Variants in ABCA1 observed in about 807,000 individuals in gnomAD.
The protein encoded by ABCA1 is ATP binding cassette subfamily A member 1, also known as phospholipid-transporting ATPase ABCA1.
ABCA1 carries 133 observed loss-of-function variants against 262.5 expected under a neutral mutation model. That is an observed-to-expected ratio of 0.51 (90% confidence interval 0.44 to 0.59). The LOEUF (loss-of-function observed/expected upper bound fraction) is 0.59, where lower values mean the gene tolerates loss of function less well. Among genes scored for constraint, ABCA1 ranks in the 20% least tolerant of loss-of-function variants. The pLI is 0.00. For synonymous variants in ABCA1, 1,022 were observed against 1,043.5 expected, an observed-to-expected ratio of 0.98 and a Z score of 0.40; for missense variants, 2,452 against 2,777.5, an observed-to-expected ratio of 0.88 and a Z score of 2.63.
At chr9:104,867,440 C>T (rs1837199038) in intron 5 of ABCA1, among the ~76,000 whole-genome samples, 1 of 152,170 alleles carries the variant, frequency 6.6e-6, no homozygotes, top group Non-Finnish European at 1.5e-5. Flanking sequence ...GCTAATTTAA[C>T]CTTAAAGCAT....
At chr9:104,913,060 T>C (rs1437273092) in intron 1 of ABCA1, among the ~76,000 whole-genome samples, 1 of 152,226 alleles carries the variant, frequency 6.6e-6, no homozygotes, top group Admixed American at 6.5e-5. Flanking sequence ...AAAGATCACT[T>C]TGTTTGGATT....
intron 5 of ABCA1, among the ~76,000 whole-genome samples, chr9:104,871,583 A>G (rs1837612321): frequency 6.6e-6 from 1 of 152,140 alleles, no homozygotes; most frequent in Admixed American, 6.5e-5. Flanking sequence ...CATTGACCCA[A>G]ATGAATTTTG....
At position 104,786,537 on chromosome 9, in the gene ABCA1, A is replaced by G. The variant is rs4149337; in HGVS notation, c.6309-147T>C. 0.075 allele frequency: 57,219 copies of G among 763,794 alleles called. 4,685 individuals carry two copies. The highest frequency in any genetic ancestry group is 0.37 in the East Asian group (14,000 of 38,224). 47.3% of individuals were successfully genotyped at this position (763,794 alleles called of 1,614,324 possible). On this transcript the variant is annotated intron_variant, in intron 47 of 49. Transcript: ENST00000374736. The stretch of plus-strand genomic sequence containing the variant: ...ATATAGGGATGATGCTGTTCAGTGT[A>G]GTGGTGTTTACAATTGTGAACAAGT...
rs144161320 is a variant in ABCA1, at chr9:104,802,122, C to G, written c.4630G>C (p.Ala1544Pro). ...GFSLGVSNTQ[A>P]LPPSQEVNDA... ...TTAACTTCTTGACTCGGAGGAAGTG[C>G]TTGAGTATTACTGACACCCAGGGAA... is the stretch of plus-strand genomic sequence containing the variant. The change falls in exon 34 of 50, where the codon GCA becomes CCA. Residue 1544 changes from alanine (A) to proline (P), a missense_variant. By Grantham distance (27) the Ala-to-Pro change is conservative (BLOSUM62 -1). Transcript: ENST00000374736. 1 of 1,614,166 alleles carries G rather than the reference C, an allele frequency of 6.2e-7. No individual in the cohort carries two copies. Among genetic ancestry groups the G allele is most frequent in the Non-Finnish European group, 8.5e-7 (1 of 1,180,030 alleles).
intron 11 of ABCA1, among the ~76,000 whole-genome samples, chr9:104,836,773 A>G (rs895990243): frequency 6.6e-6 from 1 of 152,212 alleles, no homozygotes; most frequent in African/African-American, 2.4e-5. Flanking sequence ...CGTGAGTGGC[A>G]TGGATGCTGA....
At position 104,857,259 on chromosome 9, in the gene ABCA1, C is replaced by T. The variant is rs529073258; in HGVS notation, c.720+1263G>A. ...CGGAGGTTGCAGTGAGTCGAGATCG[C>T]GCCACTGCACTCCAGCCTGGGCAAC... On this transcript the variant is annotated intron_variant, in intron 7 of 49. Transcript: ENST00000374736. 1.1e-4 allele frequency among the ~76,000 whole-genome samples: 17 copies of T among 152,170 alleles called. No individual in the cohort carries two copies. In the East Asian group the frequency reaches 1.4e-3, roughly 12 times the overall value.
intron 2 of ABCA1, among the ~76,000 whole-genome samples, chr9:104,902,834 C>A (rs57613179): frequency 5.1e-4 from 78 of 152,028 alleles, no homozygotes; most frequent in African/African-American, 1.8e-3. Flanking sequence ...ATTAAGACAG[C>A]CAAGTGGGGA....
At chr9:104,910,945 G>C (rs1259423137) in intron 1 of ABCA1, among the ~76,000 whole-genome samples, 2 of 152,178 alleles carry the variant, frequency 1.3e-5, no homozygotes, top group African/African-American at 4.8e-5. Flanking sequence ...GACCTCAAGT[G>C]ATCTACCTGC....
chr9:104,833,139 T>C (rs113743244), intron 11 of ABCA1, among the ~76,000 whole-genome samples: 11 of 152,336 alleles, frequency 7.2e-5, no homozygotes, highest in African/African-American at 2.4e-4. Flanking sequence ...ATGCTTCACC[T>C]TACACAACTC....
At chr9:104,849,555 T>A (rs765428900) in intron 7 of ABCA1, among the ~76,000 whole-genome samples, 1 of 152,256 alleles carries the variant, frequency 6.6e-6, no homozygotes, top group African/African-American at 2.4e-5. Flanking sequence ...GTAGTCAATA[T>A]AAACAAATTT....
intron 30 of ABCA1, among the ~76,000 whole-genome samples, chr9:104,807,914 ATTG>A (rs142282792): frequency 0.13 from 20,040 of 150,334 alleles, 1,679 homozygotes; most frequent in East Asian, 0.39. Flanking sequence ...ACTATTTCTT[ATTG>A]TTTTCTTATG....
At chr9:104,903,490 A>T in intron 2 of ABCA1, 124 bp downstream of exon 2, 1 of 1,028,272 alleles carries the variant, frequency 9.7e-7, no homozygotes, top group Non-Finnish European at 1.5e-6. Flanking sequence ...TAAGAGCCAG[A>T]TTCCATCAAT....
intron 1 of ABCA1, among the ~76,000 whole-genome samples, chr9:104,907,297 C>A (rs981011081): frequency 6.6e-6 from 1 of 152,188 alleles, no homozygotes; most frequent in Non-Finnish European, 1.5e-5. Flanking sequence ...TCTTCAATGT[C>A]CTTTCCTGAT....
intron 18 of ABCA1, among the ~76,000 whole-genome samples, chr9:104,822,886 T>C (rs1832491401): frequency 6.6e-6 from 1 of 152,056 alleles, no homozygotes. Context: ...CAGAGTCTAT[T>C]GGGAAAAAGG....
At chr9:104,831,421 T>C (rs1224747847) in intron 13 of ABCA1, among the ~76,000 whole-genome samples, 1 of 152,166 alleles carries the variant, frequency 6.6e-6, no homozygotes, top group Admixed American at 6.5e-5. Flanking sequence ...AATCAAAAGA[T>C]ACTGTTATTT....
At chr9:104,913,962 G>T (rs1305572542) in intron 1 of ABCA1, among the ~76,000 whole-genome samples, 1 of 74,528 alleles carries the variant, frequency 1.3e-5, no homozygotes, top group African/African-American at 4.1e-5. Flanking sequence ...AACACGCCCG[G>T]CTAATTTTTT....
At position 104,786,281 on chromosome 9, in the gene ABCA1, G is replaced by A. The variant is rs768448067; in HGVS notation, c.6401+17C>T. On this transcript the variant is annotated intron_variant, in intron 48 of 49. Transcript: ENST00000374736. ...CCTTCTCACTAGGCACTATCCCAAA[G>A]AAATTATCTTTATTACCTATTTTTT... The A allele has an allele frequency of 1.9e-6, 3 of 1,601,272 alleles. No individual in the cohort carries two copies. Among genetic ancestry groups the A allele is most frequent in the Non-Finnish European group, 2.6e-6 (3 of 1,169,020 alleles).
intron 1 of ABCA1, among the ~76,000 whole-genome samples, chr9:104,904,598 A>G (rs1423518446): frequency 6.6e-6 from 1 of 151,506 alleles, no homozygotes; most frequent in Admixed American, 6.6e-5. Flanking sequence ...TCAATAAAGC[A>G]GTTTCCTAAT....
intron 12 of ABCA1, among the ~76,000 whole-genome samples, 190 bp from the exon 13 acceptor site, chr9:104,832,017 G>A (rs1227334635): frequency 2.0e-5 from 3 of 152,158 alleles, no homozygotes; most frequent in Non-Finnish European, 4.4e-5. Flanking sequence ...CAATTTAAGA[G>A]AAATTCTAAG....
Sources: gnomAD v4.1 joint callset for allele counts (sites outside exome capture counted in the v4.1 genomes callset) on GRCh38, gnomAD v4.1.1 for gene constraint, MANE v1.5 for transcripts, NCBI Gene and HGNC (gene_info 2026-07-23, HGNC 2026-07-21) for gene names.